Variants in HOOK3 observed in about 807,000 individuals in gnomAD.
The protein encoded by HOOK3 is hook microtubule tethering protein 3, also known as protein Hook homolog 3.
A neutral mutation model predicts 116.3 loss-of-function variants in HOOK3; 24 were observed. The observed-to-expected ratio is 0.21, with a 90% confidence interval of 0.15 to 0.29. HOOK3 has a LOEUF of 0.29. Among genes scored for constraint, HOOK3 ranks in the 10% least tolerant of loss-of-function variants. The pLI is 1.00. For synonymous variants in HOOK3, 275 were observed against 283.0 expected (o/e 0.97, Z 0.28); for missense variants, 632 against 830.2 (o/e 0.76, Z 2.93).
At chr8:42,919,992 A>G (rs1159586999) in intron 2 of HOOK3, among the ~76,000 whole-genome samples, 1 of 152,050 alleles carries the variant, frequency 6.6e-6, no homozygotes, top group African/African-American at 2.4e-5. Context: ...ACATAAGACA[A>G]TATACTTCTG....
chr8:42,979,860 A>G (rs889836660), intron 13 of HOOK3, among the ~76,000 whole-genome samples: 1 of 152,258 alleles, frequency 6.6e-6, no homozygotes, highest in East Asian at 1.9e-4. Flanking sequence ...GTTTTCACCA[A>G]AAATATATCG....
At chr8:42,996,595 A>G (rs1201377330) in intron 15 of HOOK3, among the ~76,000 whole-genome samples, 2 of 151,898 alleles carry the variant, frequency 1.3e-5, no homozygotes, top group African/African-American at 4.8e-5. Flanking sequence ...TTCCTCTCAT[A>G]ACATACTCAT....
chr8:42,908,295 C>T (rs1807354920), intron 2 of HOOK3, among the ~76,000 whole-genome samples: 2 of 152,140 alleles, frequency 1.3e-5, no homozygotes, highest in Admixed American at 1.3e-4. Context: ...TAACCTTTTT[C>T]ACAGAAATAA....
intron 2 of HOOK3, among the ~76,000 whole-genome samples, chr8:42,915,365 A>G (rs1008557686): frequency 2.0e-5 from 3 of 152,126 alleles, no homozygotes; most frequent in Non-Finnish European, 2.9e-5. Context: ...ACTCTGTCTC[A>G]AAACAAAACA....
At chr8:43,009,989 T>G (rs1343978990) in intron 18 of HOOK3, among the ~76,000 whole-genome samples, 1 of 151,984 alleles carries the variant, frequency 6.6e-6, no homozygotes, top group Non-Finnish European at 1.5e-5. Flanking sequence ...TAACTAAGGC[T>G]GAATAATATT....
chr8:43,004,242 C>G (rs1299559749), intron 17 of HOOK3, among the ~76,000 whole-genome samples: 1 of 151,416 alleles, frequency 6.6e-6, no homozygotes, highest in Non-Finnish European at 1.5e-5. Context: ...TGGCGTGCAC[C>G]TGTAATCCTA....
At chr8:42,964,004 A>G (rs35168459) in intron 8 of HOOK3, among the ~76,000 whole-genome samples, 1 of 152,082 alleles carries the variant, frequency 6.6e-6, no homozygotes, top group Admixed American at 6.5e-5. Context: ...TCAAGAGATC[A>G]AGACCATTCT....
chr8:42,944,831 T>TA (rs1206334422), intron 5 of HOOK3, among the ~76,000 whole-genome samples: 1 of 151,934 alleles, frequency 6.6e-6, no homozygotes, highest in Non-Finnish European at 1.5e-5. Context: ...AAAAAAAAAA[T>TA]AATAAAATAA....
At chr8:42,903,170 C>T (rs1334608494) in intron 1 of HOOK3, among the ~76,000 whole-genome samples, 1 of 152,096 alleles carries the variant, frequency 6.6e-6, no homozygotes, top group African/African-American at 2.4e-5. Flanking sequence ...GTCAGGGCAG[C>T]TTGGAAGGAT....
At chr8:42,962,261 CTTTTTTTTTTT>C (rs559919675) in intron 8 of HOOK3, among the ~76,000 whole-genome samples, 1 of 117,814 alleles carries the variant, frequency 8.5e-6, no homozygotes, top group Non-Finnish European at 1.8e-5. Context: ...ATTTTCATTT[CTTTTTTTTTTT>C]TTTTTTTTGG....
Position 42,968,053 on chromosome 8 carries a change from G to GATC in HOOK3, c.962_963insTCA (p.Glu321delinsAspGln). 6.2e-7 allele frequency: 1 copy of GATC among 1,605,922 alleles called. No individual in the cohort carries two copies. Among genetic ancestry groups the GATC allele is most frequent in the Non-Finnish European group, 8.5e-7 (1 of 1,172,850 alleles). ...AGTATCTAAACTAGAAGGTCAAGTA[G>GATC]AATCTTATAAAAAGAAGCTAGAAGA... On this transcript the variant is annotated protein_altering_variant, in exon 11 of 22. Coordinates refer to ENST00000307602, the MANE Select transcript of HOOK3 (RefSeq NM_032410.4).
At chr8:42,915,842 C>T (rs2130340783) in intron 2 of HOOK3, among the ~76,000 whole-genome samples, 1 of 152,282 alleles carries the variant, frequency 6.6e-6, no homozygotes, top group East Asian at 1.9e-4. Flanking sequence ...AATTTGGCTT[C>T]CAGGATACTG....
intron 18 of HOOK3, among the ~76,000 whole-genome samples, chr8:43,010,001 T>C (rs1050699741): frequency 6.6e-6 from 1 of 151,922 alleles, no homozygotes; most frequent in African/African-American, 2.4e-5. Flanking sequence ...AATAATATTA[T>C]ATCTATGTAC....
intron 4 of HOOK3, among the ~76,000 whole-genome samples, chr8:42,941,921 C>T (rs1808135745): frequency 6.6e-6 from 1 of 152,166 alleles, no homozygotes; most frequent in South Asian, 2.1e-4. Flanking sequence ...GGATTCTGCT[C>T]AGTTTTTGAC....
At chr8:42,970,711 ATTAC>A (rs1178840434) in intron 11 of HOOK3, among the ~76,000 whole-genome samples, 1 of 149,760 alleles carries the variant, frequency 6.7e-6, no homozygotes, top group African/African-American at 2.5e-5. Flanking sequence ...AAATTCTCAT[ATTAC>A]TTCTGATAAT....
chr8:42,952,619 T>TA (rs1345872494), intron 6 of HOOK3, among the ~76,000 whole-genome samples: 2 of 152,200 alleles, frequency 1.3e-5, no homozygotes, highest in African/African-American at 2.4e-5. Context: ...CTCCTTAGCT[T>TA]AAACTATCTA....
At chr8:42,912,681 T>TG (rs372340968) in intron 2 of HOOK3, among the ~76,000 whole-genome samples, 1 of 146,558 alleles carries the variant, frequency 6.8e-6, no homozygotes, top group African/African-American at 2.5e-5. Context: ...CACCACACAC[T>TG]CCTTGCCCAC....
At chr8:42,964,204 C>CA (rs1224381949) in intron 8 of HOOK3, 107 bp from the exon 9 acceptor site, 4 of 1,167,870 alleles carry the variant, frequency 3.4e-6, no homozygotes, top group African/African-American at 1.6e-5. Context: ...GACTCCGCCT[C>CA]AAAAAATCTA....
At chr8:42,933,724 C>G (rs1232647141) in intron 4 of HOOK3, among the ~76,000 whole-genome samples, 6 of 152,156 alleles carry the variant, frequency 3.9e-5, no homozygotes, top group Admixed American at 3.9e-4. Flanking sequence ...AATCTTAGTT[C>G]TCTTTACACT....
Sources: allele counts gnomAD v4.1 joint callset (sites outside exome capture counted in the v4.1 genomes callset), GRCh38; gene constraint gnomAD v4.1.1; transcripts MANE v1.5; gene names NCBI Gene and HGNC (gene_info 2026-07-23, HGNC 2026-07-21).